Variants in PIK3R3 observed in about 807,000 individuals in gnomAD.
PIK3R3 encodes the protein phosphatidylinositol 3-kinase regulatory subunit gamma.
A neutral mutation model predicts 62.9 loss-of-function variants in PIK3R3; 64 were observed. The observed-to-expected ratio is 1.02, with a 90% CI of 0.83 to 1.25. The LOEUF (loss-of-function observed/expected upper bound fraction) is 1.25. Among genes scored for constraint, PIK3R3 ranks in the 50% most tolerant of loss-of-function variants. The pLI is 0.00. For missense variants in PIK3R3, 614 were observed against 561.6 expected (o/e 1.09, Z -0.94); for synonymous variants, 165 against 189.0 (o/e 0.87, Z 1.04).
At chr1:46,054,397 CAAAAAAAAAAAAAA>C (rs10649671) in intron 7 of PIK3R3, among the ~76,000 whole-genome samples, 1 of 80,048 alleles carries the variant, frequency 1.2e-5, no homozygotes, top group Non-Finnish European at 2.3e-5. Flanking sequence ...CTCCGCCTCA[CAAAAAAAAAAAAAA>C]AAAAAAAAAA....
At chr1:46,059,080 G>A (rs1181674120) in intron 6 of PIK3R3, among the ~76,000 whole-genome samples, 1 of 152,200 alleles carries the variant, frequency 6.6e-6, no homozygotes, top group African/African-American at 2.4e-5. Context: ...AGTTTCACGA[G>A]ATCTGATGGT....
At position 46,089,466 on chromosome 1, in the gene PIK3R3, A is replaced by G. The variant is rs550709256; in HGVS notation, c.107-8716T>C. ...TGTGGTGGCTCACGCCTGTAATCCC[A>G]GCACTTTGGGAGGCCAAGGTGGGCG... On this transcript the variant is annotated intron_variant, in intron 1 of 9. Transcript: ENST00000262741. 5.9e-5 allele frequency among the ~76,000 whole-genome samples: 9 copies of G among 152,306 alleles called. No individual in the cohort carries two copies. In the South Asian group the frequency reaches 1.9e-3, roughly 32 times the overall value.
Position 46,040,447 on chromosome 1 carries a change from A to G in PIK3R3, c.*3226T>C, listed in dbSNP as rs1251938441. ...TCAAAGACAACAGAATAGATTTTTC[A>G]CAAGTAACGGCACCAAAGTCACATG... On this transcript the variant is annotated 3_prime_UTR_variant, in exon 10 of 10. Coordinates refer to ENST00000262741, the MANE Select transcript of PIK3R3 (RefSeq NM_003629.4). 4.3e-6 allele frequency: 1 copy of G among 230,722 alleles called. No individual in the cohort carries two copies. The highest frequency in any genetic ancestry group is 6.2e-5 in the East Asian group (1 of 16,236). 14.3% of individuals were successfully genotyped at this position (230,722 alleles called of 1,614,324 possible). A position where few individuals can be genotyped will look rare whatever the true frequency, so the allele number is the denominator to read the frequency against.
chr1:46,130,106 C>G (rs1279218806), intron 1 of PIK3R3, among the ~76,000 whole-genome samples: 1 of 152,144 alleles, frequency 6.6e-6, no homozygotes, highest in East Asian at 1.9e-4. Context: ...ATATTTCAAC[C>G]ATAAGTGCAT....
intron 1 of PIK3R3, among the ~76,000 whole-genome samples, chr1:46,092,298 G>A (rs1179378233): frequency 6.6e-6 from 1 of 152,162 alleles, no homozygotes; most frequent in Non-Finnish European, 1.5e-5. Context: ...GGTAATTCTG[G>A]TATAAAACTA....
intron 5 of PIK3R3, among the ~76,000 whole-genome samples, chr1:46,063,827 A>G (rs1648742540): frequency 6.6e-6 from 1 of 152,176 alleles, no homozygotes; most frequent in South Asian, 2.1e-4. Flanking sequence ...GTTCCTTCTT[A>G]GCAGCATATA....
At chr1:46,085,458 T>A (rs1039478433) in intron 1 of PIK3R3, among the ~76,000 whole-genome samples, 1 of 152,206 alleles carries the variant, frequency 6.6e-6, no homozygotes, top group African/African-American at 2.4e-5. Context: ...CAAACTAAAC[T>A]GAATCTTCCA....
chr1:46,172,655 A>G, the PIK3R3 span, among the ~76,000 whole-genome samples: 2 of 152,098 alleles, frequency 1.3e-5, no homozygotes, highest in Non-Finnish European at 1.5e-5. Context: ...AGGTCACTGC[A>G]CTCCAGTATG....
chr1:46,089,820 T>C (rs1651444805), intron 1 of PIK3R3, among the ~76,000 whole-genome samples: 1 of 151,824 alleles, frequency 6.6e-6, no homozygotes, highest in African/African-American at 2.4e-5. Flanking sequence ...TTTAAGAAAG[T>C]TATAATTGTG....
At chr1:46,124,192 C>T (rs567104416) in intron 1 of PIK3R3, among the ~76,000 whole-genome samples, 200 of 152,260 alleles carry the variant, frequency 1.3e-3, no homozygotes, top group South Asian at 7.9e-3. Flanking sequence ...ATGTCAAATA[C>T]TATACTAGAT....
At chr1:46,061,812 G>T in intron 6 of PIK3R3, 117 bp downstream of exon 6, 2 of 892,770 alleles carry the variant, frequency 2.2e-6, no homozygotes, top group Non-Finnish European at 1.8e-6. Context: ...AACAGCAAGT[G>T]GTTCCAATAG....
rs141070856 is a variant in PIK3R3, at chr1:46,041,082, C to T, written c.*2591G>A. ...TTTGCCCTCTGCCTCATTGAAACTG[C>T]AGTTAAGATGCCAAGACAGTCCCAG... On this transcript the variant is annotated 3_prime_UTR_variant, in exon 10 of 10. Transcript: ENST00000262741. 6.7e-4 allele frequency: 105 copies of T among 157,166 alleles called. 1 individual carries two copies. Among genetic ancestry groups the T allele is most frequent in the Admixed American group, 1.9e-4 (3 of 15,412 alleles). The allele number at this position is 157,166 out of a possible 1,614,324, so 9.7% of individuals were successfully genotyped here.
rs929306131 is a variant in PIK3R3 at position 46,110,586 on chromosome 1, G to GT, written c.106+21260dup. Among the ~76,000 whole-genome samples, 9 of 152,084 alleles carry GT rather than the reference G, an allele frequency of 5.9e-5. No individual in the cohort carries two copies. In the East Asian group the frequency reaches 7.7e-4, roughly 13 times the overall value. On this transcript the variant is annotated intron_variant, in intron 1 of 9. Transcript: ENST00000262741. ...TCTAATCTAAAGTTTAGTGATTATA[G>GT]TTTAGTTGTTGAACCCTATCTTTGT...
chr1:46,152,545 T>A, the PIK3R3 span, among the ~76,000 whole-genome samples: 3 of 151,488 alleles, frequency 2.0e-5, no homozygotes, highest in African/African-American at 7.3e-5. Context: ...CCTTGGATTG[T>A]ACGCTGATTA....
chr1:46,144,766 C>CA, the PIK3R3 span, among the ~76,000 whole-genome samples: 948 of 104,934 alleles, frequency 9.0e-3, 4 homozygotes, highest in Middle Eastern at 0.015. Flanking sequence ...GACTCCATCT[C>CA]AAAAAAAAAA....
At chr1:46,070,702 G>A (rs1036262932) in intron 3 of PIK3R3, among the ~76,000 whole-genome samples, 4 of 152,168 alleles carry the variant, frequency 2.6e-5, no homozygotes, top group African/African-American at 4.8e-5. Context: ...ATTTAATACC[G>A]TGTTGGAATT....
upstream of PIK3R3, chr1:46,133,088 G>T: frequency 4.1e-6 from 4 of 964,292 alleles, no homozygotes; most frequent in Non-Finnish European, 5.0e-6. Flanking sequence ...GCGAAGGAGC[G>T]GGAGACGGCT....
In PIK3R3 at chr1:46,066,939, A is replaced by G; in HGVS notation, c.467T>C (p.Leu156Pro). The stretch of plus-strand genomic sequence containing the variant: ...TTGGTATCTGGACACTGGGTACATC[A>G]GCTTCACATCAAGTTTGGGATTGTA... The part of the protein sequence containing the change: ...AQYNPKLDVK[L>P]MYPVSRYQQD... Residue 156 changes from leucine (L) to proline (P), a missense_variant, in exon 4 of 10, where the codon CTG becomes CCG. Transcript: ENST00000262741. 6.2e-7 allele frequency: 1 copy of G among 1,613,840 alleles called. No homozygotes were observed. The highest frequency in any genetic ancestry group is 8.5e-7 in the Non-Finnish European group (1 of 1,179,828).
At chr1:46,145,913 T>G in the PIK3R3 span, among the ~76,000 whole-genome samples, 1 of 152,050 alleles carries the variant, frequency 6.6e-6, no homozygotes, top group African/African-American at 2.4e-5. Flanking sequence ...CTCAGGATAC[T>G]AAGCATAGTT....
Sources: allele counts gnomAD v4.1 joint callset (sites outside exome capture counted in the v4.1 genomes callset), GRCh38; gene constraint gnomAD v4.1.1; transcripts MANE v1.5; gene names NCBI Gene and HGNC (gene_info 2026-07-23, HGNC 2026-07-21).